KMT2C: variants seen among roughly 807,000 people sequenced by gnomAD.
KMT2C encodes the protein histone-lysine N-methyltransferase 2C.
A neutral mutation model predicts 507.9 loss-of-function variants in KMT2C; 88 were observed. That is an observed-to-expected ratio of 0.17 (90% CI 0.15 to 0.21). The LOEUF (loss-of-function observed/expected upper bound fraction) is 0.21, where lower values mean the gene tolerates loss of function less well. KMT2C is among the 10% of genes least tolerant of loss of function. The pLI is 1.00. For synonymous variants in KMT2C, 2,049 were observed against 2,080.8 expected (o/e 0.98, Z 0.42); for missense variants, 4,954 against 5,957.8 (o/e 0.83, Z 5.55).
chr7:152,315,449 A>G, intron 3 of KMT2C, 111 bp from the exon 4 acceptor site: 1 of 706,632 alleles, frequency 1.4e-6, no homozygotes, highest in Non-Finnish European at 2.4e-6. Flanking sequence ...AGCACAAGCT[A>G]AGCTTTTCAA....
rs2095514493 is a variant in KMT2C, at chr7:152,248,637, A to T, written c.1814-17T>A. On this transcript the variant is annotated splice_polypyrimidine_tract_variant and intron_variant, in intron 13 of 58. Coordinates refer to ENST00000262189, the MANE Select transcript of KMT2C (RefSeq NM_170606.3). Reference sequence around the variant, plus strand: ...GGGATGATACTACAAAATTCAGAACATTTGTTATGGCAATGTACAAACAAA... The same window carrying T: ...GGGATGATACTACAAAATTCAGAACTTTTGTTATGGCAATGTACAAACAAA... The T allele has an allele frequency of 1.3e-6, 2 of 1,531,062 alleles. No homozygotes were observed. Among genetic ancestry groups the T allele is most frequent in the African/African-American group, 2.8e-5 (2 of 72,646 alleles). 94.8% of individuals were successfully genotyped at this position (1,531,062 alleles called of 1,614,324 possible). A position where few individuals can be genotyped will look rare whatever the true frequency, so the allele number is the denominator to read the frequency against.
chr7:152,367,310 A>G, intron 1 of KMT2C: 1 of 1,031,644 alleles, frequency 9.7e-7, no homozygotes, highest in South Asian at 1.4e-5. Context: ...CAGCTGGAGG[A>G]GCCCTGACCT....
intron 16 of KMT2C, among the ~76,000 whole-genome samples, chr7:152,230,879 G>A (rs1427930396): frequency 3.3e-5 from 5 of 152,132 alleles, no homozygotes; most frequent in East Asian, 1.9e-4. Context: ...GTGTAATGGC[G>A]CGATCTCGGC....
chr7:152,176,912 A>C lies in KMT2C; in HGVS notation c.8541T>G (p.Asp2847Glu), dbSNP rs2129113862. Residue 2847 changes from aspartate (D) to glutamate (E), a missense_variant, in exon 38 of 59, where the codon GAT (aspartate) becomes GAG (glutamate). Physicochemically the swap from Asp to Glu is conservative, Grantham distance 45. Coordinates refer to ENST00000262189, the MANE Select transcript of KMT2C (RefSeq NM_170606.3). ...CETEKNDENK[D>E]NVDTPCSQAS... Reference sequence around the variant, plus strand: ...CCTGTGAGCAAGGAGTGTCAACATTATCTTTATTCTCATCATTTTTTTCAG... The same window carrying C: ...CCTGTGAGCAAGGAGTGTCAACATTCTCTTTATTCTCATCATTTTTTTCAG... 1.2e-6 allele frequency: 2 copies of C among 1,614,190 alleles called. No individual in the cohort carries two copies. Among genetic ancestry groups the C allele is most frequent in the Non-Finnish European group, 8.5e-7 (1 of 1,180,030 alleles).
At chr7:152,414,760 T>G (rs1286263566) in intron 1 of KMT2C, among the ~76,000 whole-genome samples, 9 of 152,012 alleles carry the variant, frequency 5.9e-5, no homozygotes. Context: ...CATCCCAAAG[T>G]GCTGGGATTA....
chr7:152,149,938 C>T (rs916876622), intron 51 of KMT2C, among the ~76,000 whole-genome samples: 7 of 152,158 alleles, frequency 4.6e-5, no homozygotes, highest in Admixed American at 1.3e-4. Context: ...ATCCTTCTTG[C>T]ATTTAGGCTG....
chr7:152,378,428 T>G (rs2097345666), intron 1 of KMT2C, among the ~76,000 whole-genome samples: 3 of 152,276 alleles, frequency 2.0e-5, no homozygotes, highest in African/African-American at 7.2e-5. Context: ...GCTCAGATGA[T>G]CAGTAGCATT....
At chr7:152,147,600 G>A (rs191948758) in intron 52 of KMT2C, among the ~76,000 whole-genome samples, 128 of 151,680 alleles carry the variant, frequency 8.4e-4, no homozygotes, top group African/African-American at 2.9e-3. Flanking sequence ...CCAGCTACTC[G>A]GGAGGCTGAG....
At chr7:152,347,504 A>C (rs2097071045) in intron 2 of KMT2C, among the ~76,000 whole-genome samples, 1 of 152,208 alleles carries the variant, frequency 6.6e-6, no homozygotes. Flanking sequence ...ATGGTGTTTT[A>C]ATCAGATATT....
intron 18 of KMT2C, among the ~76,000 whole-genome samples, chr7:152,226,517 G>A (rs1286026052): frequency 1.3e-5 from 2 of 151,946 alleles, no homozygotes; most frequent in Non-Finnish European, 2.9e-5. Flanking sequence ...CAGGTGTGAG[G>A]CACCACACCC....
chr7:152,229,794 A>C, intron 18 of KMT2C, 129 bp downstream of exon 18: 1 of 413,300 alleles, frequency 2.4e-6, no homozygotes, highest in Non-Finnish European at 4.5e-6. Flanking sequence ...CAGTATTTTA[A>C]GTATTTAAAT....
chr7:152,229,171 G>C (rs1588408219), intron 18 of KMT2C, among the ~76,000 whole-genome samples: 1 of 152,084 alleles, frequency 6.6e-6, no homozygotes, highest in East Asian at 1.9e-4. Flanking sequence ...ATATTACATG[G>C]TATGGCAGTA....
intron 34 of KMT2C, among the ~76,000 whole-genome samples, chr7:152,183,508 T>C (rs1014403539): frequency 6.6e-6 from 1 of 152,154 alleles, no homozygotes; most frequent in African/African-American, 2.4e-5. Flanking sequence ...ATGCTCGTAA[T>C]CCCAGCACTT....
chr7:152,304,907 CT>C (rs898366649), intron 6 of KMT2C, among the ~76,000 whole-genome samples: 6 of 152,138 alleles, frequency 3.9e-5, no homozygotes, highest in African/African-American at 1.4e-4. Context: ...TATATCGCCC[CT>C]AGGGAAACTT....
chr7:152,336,643 G>A (rs1317066942), intron 2 of KMT2C, among the ~76,000 whole-genome samples: 2 of 152,090 alleles, frequency 1.3e-5, no homozygotes, highest in East Asian at 1.9e-4. Context: ...CAGGTTTGGC[G>A]ACTCCACCAC....
chr7:152,194,919 A>G (rs1242343229), intron 28 of KMT2C, among the ~76,000 whole-genome samples: 2 of 151,752 alleles, frequency 1.3e-5, no homozygotes, highest in African/African-American at 2.4e-5. Context: ...AATTTGGAAA[A>G]TAGTGTTATC....
rs2129114256 is a variant in KMT2C, at chr7:152,177,126, T to A, written c.8327A>T (p.Glu2776Val). Reference protein sequence around the residue: ...MGDKKSMFNEELDLPIDDKLD... With the variant: ...MGDKKSMFNEVLDLPIDDKLD... The stretch of plus-strand genomic sequence containing the variant: ...CTTATCATCAATTGGAAGGTCTAGT[T>A]CCTCATTAAACATGCTTTTCTTATC... The change falls in exon 38 of 59, where the codon GAA becomes GTA. Residue 2776 changes from glutamate (E) to valine (V), a missense_variant. Glu to Val is a moderately radical substitution (Grantham distance 121). Transcript: ENST00000262189. The A allele has an allele frequency of 6.2e-7, 1 of 1,613,482 alleles. No homozygotes were observed. The highest frequency in any genetic ancestry group is 8.5e-7 in the Non-Finnish European group (1 of 1,179,868).
At chr7:152,271,673 C>CAAAAAA (rs35698920) in intron 7 of KMT2C, among the ~76,000 whole-genome samples, 4 of 54,982 alleles carry the variant, frequency 7.3e-5, no homozygotes, top group South Asian at 7.2e-4. Context: ...GACTCCATCT[C>CAAAAAA]AAAAAAAAAA....
intron 2 of KMT2C, among the ~76,000 whole-genome samples, chr7:152,357,281 T>C (rs750937016): frequency 6.6e-6 from 1 of 151,888 alleles, no homozygotes; most frequent in Non-Finnish European, 1.5e-5. Context: ...TCCCAGCACT[T>C]TGGGAGGCTG....
Sources: gnomAD v4.1 joint callset for allele counts (sites outside exome capture counted in the v4.1 genomes callset) on GRCh38, gnomAD v4.1.1 for gene constraint, MANE v1.5 for transcripts, NCBI Gene and HGNC (gene_info 2026-07-23, HGNC 2026-07-21) for gene names.